Variants in CHD1L observed in about 807,000 individuals in gnomAD.
The protein encoded by CHD1L is ATP-dependent chromatin remodeler CHD1L.
A neutral mutation model predicts 115.9 loss-of-function variants in CHD1L; 118 were observed. The observed-to-expected ratio is 1.02, with a 90% confidence interval of 0.88 to 1.19. The LOEUF (loss-of-function observed/expected upper bound fraction) is 1.19. CHD1L is among the 50% of genes most tolerant of loss of function. The pLI is 0.00. For missense variants in CHD1L, 1,179 were observed against 1,065.3 expected, an observed-to-expected ratio of 1.11 and a Z score of -1.49; for synonymous variants, 411 against 387.1, an observed-to-expected ratio of 1.06 and a Z score of -0.72.
chr1:147,189,119 C>G, the CHD1L span, among the ~76,000 whole-genome samples: 5 of 151,918 alleles, frequency 3.3e-5, no homozygotes, highest in Non-Finnish European at 7.4e-5. Context: ...ACTAAAAATA[C>G]AAAAATGAGC....
the CHD1L span, chr1:147,204,981 G>A: frequency 1.1e-5 from 12 of 1,084,538 alleles, 1 homozygote; most frequent in East Asian, 7.1e-5. Flanking sequence ...AGACCGCGGA[G>A]GAACCAAAGG....
chr1:147,231,730 C>G, the CHD1L span, among the ~76,000 whole-genome samples: 2 of 152,072 alleles, frequency 1.3e-5, no homozygotes, highest in Non-Finnish European at 2.9e-5. Context: ...CCCTCGGAGC[C>G]AGGCATGGGA....
chr1:147,186,444 C>T, the CHD1L span: 1 of 918,356 alleles, frequency 1.1e-6, no homozygotes, highest in Non-Finnish European at 1.3e-6. Flanking sequence ...TCTCAGGAAA[C>T]ATATTTAGTT....
intron 18 of CHD1L, 106 bp downstream of exon 18, chr1:147,286,606 T>C: frequency 2.1e-6 from 2 of 959,898 alleles, no homozygotes; most frequent in Admixed American, 2.3e-5. Context: ...AGTGTAGTAT[T>C]GTACAGTCAA....
chr1:147,264,640 C>A, intron 7 of CHD1L, 56 bp downstream of exon 7: 1 of 1,559,568 alleles, frequency 6.4e-7, no homozygotes, highest in South Asian at 1.1e-5. Flanking sequence ...AAACCATCCT[C>A]ATGCATAATG....
the CHD1L span, among the ~76,000 whole-genome samples, chr1:147,217,061 A>G: frequency 6.6e-5 from 10 of 151,792 alleles, no homozygotes; most frequent in African/African-American, 1.9e-4. Flanking sequence ...ACCAACATGG[A>G]GAAACCCTGT....
intron 5 of CHD1L, 94 bp downstream of exon 5, chr1:147,256,656 G>A (rs1321916294): frequency 1.1e-5 from 13 of 1,193,846 alleles, no homozygotes; most frequent in Non-Finnish European, 1.5e-5. Context: ...CTCCTGGCAT[G>A]TCTGGTATGT....
At chr1:147,200,589 T>TC in the CHD1L span, among the ~76,000 whole-genome samples, 18 of 20,776 alleles carry the variant, frequency 8.7e-4, no homozygotes, top group South Asian at 1.9e-3. Context: ...TGAAACCTAT[T>TC]CCCCTTTTTT....
At position 147,284,969 on chromosome 1, in the gene CHD1L, G is replaced by A. The variant is rs148660857; in HGVS notation, c.1855-355G>A. Among the ~76,000 whole-genome samples the A allele has an allele frequency of 5.5e-4, 84 of 152,292 alleles. 1 individual carries two copies. Among genetic ancestry groups the A allele is most frequent in the African/African-American group, 1.9e-3 (77 of 41,564 alleles). ...AGTTACATAATACATTGCAGAAAGAGTTCCATTAAAAATGGCTGAAGTGGC... is the reference window on the plus strand; with the variant it reads ...AGTTACATAATACATTGCAGAAAGAATTCCATTAAAAATGGCTGAAGTGGC... On this transcript the variant is annotated intron_variant, in intron 16 of 22. Coordinates refer to ENST00000369258, the MANE Select transcript of CHD1L (RefSeq NM_004284.6).
At chr1:147,291,367 T>C (rs940052372) in intron 19 of CHD1L, 115 bp from the exon 20 acceptor site, 17 of 806,164 alleles carry the variant, frequency 2.1e-5, no homozygotes, top group Non-Finnish European at 3.2e-5. Context: ...GAAAGGGCTG[T>C]GTAGGAAGGT....
At chr1:147,289,095 G>A (rs1174684700) in intron 19 of CHD1L, among the ~76,000 whole-genome samples, 1 of 152,174 alleles carries the variant, frequency 6.6e-6, no homozygotes, top group African/African-American at 2.4e-5. Flanking sequence ...ACAAGTTACT[G>A]AAAGAAGGGT....
the CHD1L span, chr1:147,179,141 C>T: frequency 1.2e-6 from 2 of 1,613,916 alleles, no homozygotes; most frequent in Non-Finnish European, 8.5e-7. Flanking sequence ...GAGGATTTCT[C>T]GCGTGATGGG....
upstream of CHD1L, among the ~76,000 whole-genome samples, chr1:147,238,899 G>C (rs1169669784): frequency 6.6e-6 from 1 of 152,100 alleles, no homozygotes; most frequent in South Asian, 2.1e-4. Context: ...TTAGCTAAGA[G>C]AGCCAGACAG....
At chr1:147,204,096 CTT>C in the CHD1L span, 1 of 1,069,422 alleles carries the variant, frequency 9.4e-7, no homozygotes, top group Non-Finnish European at 1.5e-6. Context: ...ATAGCTTTGA[CTT>C]ATGCATCCAT....
At chr1:147,291,441 ACTTGGTGTTCTTTAT>A in intron 19 of CHD1L, 26 bp from the exon 20 acceptor site, 1 of 1,512,180 alleles carries the variant, frequency 6.6e-7, no homozygotes, top group Non-Finnish European at 9.2e-7. Flanking sequence ...TCATTAGTGA[ACTTGGTGTTCTTTAT>A]GTTGCTCCTT....
chr1:147,226,123 A>G, the CHD1L span, among the ~76,000 whole-genome samples: 1 of 127,508 alleles, frequency 7.8e-6, no homozygotes, highest in Admixed American at 7.7e-5. Flanking sequence ...TTTTTTTCCA[A>G]CTTTTTGCTT....
At chr1:147,219,962 C>T in the CHD1L span, among the ~76,000 whole-genome samples, 5 of 151,844 alleles carry the variant, frequency 3.3e-5, no homozygotes, top group East Asian at 7.8e-4. Context: ...CCTCAGCCTC[C>T]GGAGTAACTG....
chr1:147,195,771 G>C, the CHD1L span, among the ~76,000 whole-genome samples: 8 of 152,206 alleles, frequency 5.3e-5, no homozygotes, highest in South Asian at 1.7e-3. Context: ...TGTGGAATAT[G>C]GAATTTCAGA....
At chr1:147,240,533 A>C (rs145529162), upstream of CHD1L, among the ~76,000 whole-genome samples, 897 of 152,244 alleles carry the variant, frequency 5.9e-3, 4 homozygotes, top group Non-Finnish European at 9.3e-3. Flanking sequence ...TGTGCTGAGG[A>C]GGATTAGTAA....
Sources: gnomAD v4.1 joint callset for allele counts (sites outside exome capture counted in the v4.1 genomes callset) on GRCh38, gnomAD v4.1.1 for gene constraint, MANE v1.5 for transcripts, NCBI Gene and HGNC (gene_info 2026-07-23, HGNC 2026-07-21) for gene names.